The following CTDP1 variants were observed in gnomAD, a reference collection of about 807,000 sequenced individuals.
CTDP1 encodes the protein RNA polymerase II subunit A C-terminal domain phosphatase.
In CTDP1, 47 loss-of-function variants were observed where a neutral mutation model predicts 91.8. The observed-to-expected ratio is 0.51, with a 90% CI of 0.41 to 0.65. The LOEUF is 0.65. Ranked by LOEUF, CTDP1 falls within the 30% of genes least tolerant of loss-of-function variation. The pLI, the probability that CTDP1 is intolerant of heterozygous loss-of-function variation, is 0.00. For missense variants in CTDP1, 1,272 were observed against 1,373.7 expected (o/e 0.93, Z 1.17); for synonymous variants, 656 against 598.5 (o/e 1.10, Z -1.40).
intron 12 of CTDP1, among the ~76,000 whole-genome samples, chr18:79,742,458 C>T (rs1280934077): frequency 3.3e-5 from 5 of 152,202 alleles, no homozygotes; most frequent in African/African-American, 4.8e-5. Flanking sequence ...TTTTCCCAGA[C>T]AAAGTGGGAA....
Position 79,714,537 on chromosome 18 carries a change from G to A in CTDP1, c.1077G>A (p.Val359=). The stretch of plus-strand genomic sequence containing the variant: ...AGGTCTCAGAGCCATCTCCGCCCGT[G>A]AGAGACCCTGAGGGGGTAACGCAGG... The part of the protein sequence containing the change: ...GTEVSEPSPP[V]RDPEGVTQAP... Residue 359 remains valine, a synonymous_variant, in exon 8 of 13, where the codon GTG becomes GTA. Coordinates refer to ENST00000613122, the MANE Select transcript of CTDP1 (RefSeq NM_004715.5). 1 of 1,613,170 alleles carries A rather than the reference G, an allele frequency of 6.2e-7. No homozygotes were observed. Among genetic ancestry groups the A allele is most frequent in the Non-Finnish European group, 8.5e-7 (1 of 1,180,026 alleles).
chr18:79,679,583 C>T (rs766939642), upstream of CTDP1: 5 of 470,972 alleles, frequency 1.1e-5, no homozygotes, highest in South Asian at 7.7e-5. Context: ...CCAAGACCGT[C>T]ACTGGGACTG....
rs1352256779 is a variant in CTDP1, at chr18:79,705,770, TTTG to T, written c.772+863_772+865del. ...GGTCTTTCTAGATTGGTCTTAGTCTTTTGTTGTTGTTGGGGAAATGAATTTTGA... is the reference window on the plus strand; with the variant it reads ...GGTCTTTCTAGATTGGTCTTAGTCTTTTGTTGTTGGGGAAATGAATTTTGA... On this transcript the variant is annotated intron_variant, in intron 5 of 12. Transcript: ENST00000613122. Among the ~76,000 whole-genome samples, 5 of 152,188 alleles carry T rather than the reference TTTG, an allele frequency of 3.3e-5. No homozygotes were observed. The South Asian group carries it at 6.2e-4, about 19-fold the overall frequency.
intron 1 of CTDP1, among the ~76,000 whole-genome samples, chr18:79,682,573 T>C (rs1401401768): frequency 6.6e-6 from 1 of 152,214 alleles, no homozygotes; most frequent in Non-Finnish European, 1.5e-5. Context: ...GCCACCTTTA[T>C]GTAGATGTTT....
At chr18:79,700,325 C>A (rs1471726982) in intron 4 of CTDP1, among the ~76,000 whole-genome samples, 1 of 152,162 alleles carries the variant, frequency 6.6e-6, no homozygotes, top group South Asian at 2.1e-4. Flanking sequence ...ACTAAACAGC[C>A]AAGGTGTGAA....
chr18:79,713,769 TG>T lies in CTDP1; in HGVS notation c.1030+635del, dbSNP rs2086130162. Among the ~76,000 whole-genome samples the T allele has an allele frequency of 6.6e-6, 1 of 152,044 alleles. No individual in the cohort carries two copies. The highest frequency in any genetic ancestry group is 1.5e-5 in the Non-Finnish European group (1 of 68,010). ...AAGGTAGAGACTTTCACCAGATGGG[TG>T]GGGTCAGCGTGGAGTTGCTGACTTC... On this transcript the variant is annotated intron_variant, in intron 7 of 12. Transcript: ENST00000613122. This position sits in a 1 kb window ranked among gnomAD's most constrained non-coding sequence, Gnocchi z 4.7.
At chr18:79,730,098 A>G (rs1213094135) in intron 11 of CTDP1, among the ~76,000 whole-genome samples, 2 of 152,218 alleles carry the variant, frequency 1.3e-5, no homozygotes, top group East Asian at 3.9e-4. Context: ...TCACCTTTAG[A>G]CGCCAGTTTA....
At chr18:79,752,216 G>C (rs1421493611) in intron 12 of CTDP1, among the ~76,000 whole-genome samples, 2 of 152,148 alleles carry the variant, frequency 1.3e-5, no homozygotes, top group Non-Finnish European at 2.9e-5. Flanking sequence ...TTATGCAGAG[G>C]CTCGTAAGGA....
intron 12 of CTDP1, among the ~76,000 whole-genome samples, chr18:79,750,673 T>TC (rs2086979383): frequency 6.8e-6 from 1 of 147,542 alleles, no homozygotes; most frequent in African/African-American, 2.5e-5. Context: ...TTTTGCTTTT[T>TC]TTTTTTTTTT....
At chr18:79,701,531 AAAT>A (rs2085857861) in intron 4 of CTDP1, among the ~76,000 whole-genome samples, 1 of 1,668 alleles carries the variant, frequency 6.0e-4, no homozygotes, top group East Asian at 8.9e-3. Flanking sequence ...TAAATAAATT[AAAT>A]AAATAAATAA....
At chr18:79,680,348 G>T in intron 1 of CTDP1, 87 bp downstream of exon 1, 2 of 1,102,944 alleles carry the variant, frequency 1.8e-6, no homozygotes, top group Non-Finnish European at 2.3e-6. Context: ...GTCCGCGGTG[G>T]GCAGGGGCGC....
intron 4 of CTDP1, among the ~76,000 whole-genome samples, chr18:79,698,635 C>T (rs975938912): frequency 2.6e-5 from 4 of 152,136 alleles, no homozygotes; most frequent in Admixed American, 1.3e-4. Context: ...AGGCTTGTGT[C>T]GGCCTAGACG....
intron 1 of CTDP1, among the ~76,000 whole-genome samples, chr18:79,693,186 G>T (rs2085659385): frequency 6.6e-6 from 1 of 152,206 alleles, no homozygotes; most frequent in South Asian, 2.1e-4. Flanking sequence ...AAGCCTGGCA[G>T]TGTCTTTGAG....
rs1010055381 is a variant in CTDP1, at chr18:79,689,212, C to T, written c.315-6013C>T. ...TTGCCTGGTTTAGTAGGACATCCCT[C>T]AGTTAGATCGCAGCTGTGCACTCTG... is the stretch of plus-strand genomic sequence containing the variant. On this transcript the variant is annotated intron_variant, in intron 1 of 12. Transcript: ENST00000613122. Among the ~76,000 whole-genome samples, 4 of 152,256 alleles carry T rather than the reference C, an allele frequency of 2.6e-5. No individual in the cohort carries two copies. In the East Asian group the frequency reaches 5.8e-4, roughly 22 times the overall value.
chr18:79,726,861 T>G (rs113343536), intron 10 of CTDP1, among the ~76,000 whole-genome samples: 5,770 of 28,900 alleles, frequency 0.2, 760 homozygotes, highest in South Asian at 0.4. Context: ...GCTGGTGGAC[T>G]GCTGTGGGGG....
At chr18:79,727,015 G>C (rs1196607246) in intron 10 of CTDP1, among the ~76,000 whole-genome samples, 2 of 151,154 alleles carry the variant, frequency 1.3e-5, no homozygotes, top group Non-Finnish European at 1.5e-5. Context: ...ACAGCTGTGG[G>C]GTATGGGGGT....
At chr18:79,700,429 GAA>G (rs1388214931) in intron 4 of CTDP1, among the ~76,000 whole-genome samples, 1 of 152,216 alleles carries the variant, frequency 6.6e-6, no homozygotes, top group Non-Finnish European at 1.5e-5. Context: ...CTGAGAAAGA[GAA>G]AGTTTTAGTG....
intron 4 of CTDP1, among the ~76,000 whole-genome samples, chr18:79,698,343 G>A (rs1018349860): frequency 1.3e-5 from 2 of 152,210 alleles, no homozygotes; most frequent in Middle Eastern, 3.2e-3. Flanking sequence ...GTCTTGGTGG[G>A]GAGGACGTTG....
intron 8 of CTDP1, 102 bp downstream of exon 8, chr18:79,715,630 A>G: frequency 8.3e-7 from 1 of 1,209,970 alleles, no homozygotes; most frequent in Non-Finnish European, 1.1e-6. Flanking sequence ...TTCAATTTTC[A>G]GAAACATTTC....
Sources: allele counts gnomAD v4.1 joint callset (sites outside exome capture counted in the v4.1 genomes callset), GRCh38; gene constraint gnomAD v4.1.1; non-coding constraint Gnocchi (gnomAD v3.1); transcripts MANE v1.5; gene names NCBI Gene and HGNC (gene_info 2026-07-23, HGNC 2026-07-21).